GPHN: variants seen among roughly 807,000 people sequenced by gnomAD.
GPHN encodes gephyrin.
GPHN carries 17 observed loss-of-function variants against 95.5 expected under a neutral mutation model. The ratio of observed to expected loss-of-function variants is 0.18; its 90% confidence interval spans 0.12 to 0.27. The LOEUF is 0.27. Among genes scored for constraint, GPHN ranks in the 10% least tolerant of loss-of-function variants. The pLI, the probability that GPHN is intolerant of heterozygous loss-of-function variation, is 1.00. For missense variants in GPHN, 660 were observed against 978.1 expected (o/e 0.67, Z 4.34); for synonymous variants, 320 against 322.5 (o/e 0.99, Z 0.08).
chr14:66,761,913 GCCTTCCAGAGT>G (rs1206094476), intron 2 of GPHN, among the ~76,000 whole-genome samples: 1 of 152,072 alleles, frequency 6.6e-6, no homozygotes, highest in Non-Finnish European at 1.5e-5. Flanking sequence ...ACCCGTCTCG[GCCTTCCAGAGT>G]ACTGGGGAGA....
At chr14:66,732,038 A>T (rs1269021044) in intron 2 of GPHN, among the ~76,000 whole-genome samples, 1 of 152,162 alleles carries the variant, frequency 6.6e-6, no homozygotes, top group Non-Finnish European at 1.5e-5. Flanking sequence ...CTCCACCTAG[A>T]TTTCAGAGGA....
the GPHN span, among the ~76,000 whole-genome samples, chr14:67,388,896 C>T: frequency 6.6e-6 from 1 of 152,082 alleles, no homozygotes; most frequent in Non-Finnish European, 1.5e-5. Context: ...CCAGGCTGGT[C>T]TCAAACTCCT....
In GPHN at chr14:66,588,001, C is replaced by A. The variant is rs561059557; in HGVS notation, c.64+79410C>A. On this transcript the variant is annotated intron_variant, in intron 1 of 22. Coordinates refer to ENST00000478722, the MANE Select transcript of GPHN (RefSeq NM_020806.5). Reference sequence around the variant, plus strand: ...CATACAGGAGAGCTCCGGGTGGCATCTGCCAGGTGCCCCTCTGGGACGAAG... The same window carrying A: ...CATACAGGAGAGCTCCGGGTGGCATATGCCAGGTGCCCCTCTGGGACGAAG... Among the ~76,000 whole-genome samples, 5 of 152,302 alleles carry A rather than the reference C, an allele frequency of 3.3e-5. No individual in the cohort carries two copies. The East Asian group carries it at 9.7e-4, about 29-fold the overall frequency.
chr14:67,084,960 C>T lies in GPHN; in HGVS notation c.1145-4023C>T, dbSNP rs1019850301. On this transcript the variant is annotated intron_variant, in intron 11 of 22. Transcript: ENST00000478722. ...GGTCAATCGCAGTGTAAATATTTCCCACATTGTGCTAAACGATTCTTAAAC... is the reference window on the plus strand; with the variant it reads ...GGTCAATCGCAGTGTAAATATTTCCTACATTGTGCTAAACGATTCTTAAAC... Among the ~76,000 whole-genome samples the T allele has an allele frequency of 3.3e-5, 5 of 152,180 alleles. No homozygotes were observed. The East Asian group carries it at 7.7e-4, about 23-fold the overall frequency.
chr14:67,215,591 A>G, the GPHN span, among the ~76,000 whole-genome samples: 10 of 152,282 alleles, frequency 6.6e-5, no homozygotes, highest in African/African-American at 2.4e-4. Context: ...AGAAATAGGA[A>G]AGGGATACGG....
the GPHN span, chr14:67,199,125 G>A: frequency 7.1e-7 from 1 of 1,400,826 alleles, no homozygotes; most frequent in South Asian, 1.2e-5. Flanking sequence ...GGGCCTGAAT[G>A]AGAAGGTTAG....
the GPHN span, among the ~76,000 whole-genome samples, chr14:67,731,611 T>C: frequency 6.6e-6 from 1 of 152,128 alleles, no homozygotes; most frequent in East Asian, 1.9e-4. Context: ...TCATTAAATA[T>C]CATATTTTAA....
chr14:66,673,334 C>T (rs1434040362), intron 1 of GPHN, among the ~76,000 whole-genome samples: 5 of 152,212 alleles, frequency 3.3e-5, no homozygotes, highest in Admixed American at 6.5e-5. Context: ...CCTCATGATC[C>T]GCCCACCTCG....
intron 1 of GPHN, among the ~76,000 whole-genome samples, chr14:66,534,727 A>G (rs1411229007): frequency 6.6e-6 from 1 of 152,026 alleles, no homozygotes; most frequent in Non-Finnish European, 1.5e-5. Flanking sequence ...AGTCTTTTTA[A>G]TTTCAGTCAT....
chr14:66,888,777 G>C (rs1236585612), intron 5 of GPHN, among the ~76,000 whole-genome samples: 2 of 152,014 alleles, frequency 1.3e-5, no homozygotes, highest in African/African-American at 4.8e-5. Context: ...TTCCAATCAA[G>C]AGACAGAGAT....
the GPHN span, among the ~76,000 whole-genome samples, chr14:67,480,529 C>T: frequency 2.0e-5 from 3 of 152,228 alleles, no homozygotes; most frequent in African/African-American, 7.2e-5. Flanking sequence ...CTCCTACCCC[C>T]GGGCAGGAGA....
chr14:66,603,921 CAA>C (rs201817087), intron 1 of GPHN, among the ~76,000 whole-genome samples: 1,976 of 152,096 alleles, frequency 0.013, 19 homozygotes, highest in Non-Finnish European at 0.02. Flanking sequence ...TTATCTGAGA[CAA>C]ATATTTCACT....
chr14:66,662,456 GAAAA>G (rs35429185), intron 1 of GPHN, among the ~76,000 whole-genome samples: 1 of 144,286 alleles, frequency 6.9e-6, no homozygotes, highest in African/African-American at 2.5e-5. Flanking sequence ...CTGTAAAAAG[GAAAA>G]AAAAAAAATC....
chr14:67,212,209 T>C, the GPHN span, among the ~76,000 whole-genome samples: 1 of 152,150 alleles, frequency 6.6e-6, no homozygotes, highest in Admixed American at 6.5e-5. Flanking sequence ...TTTGGACATA[T>C]TAGTTGCTCA....
intron 4 of GPHN, among the ~76,000 whole-genome samples, chr14:66,846,861 T>C (rs1460701155): frequency 3.3e-5 from 5 of 152,138 alleles, no homozygotes; most frequent in African/African-American, 1.2e-4. Context: ...TGAGAGATTT[T>C]TGCCCCCGAA....
intron 1 of GPHN, among the ~76,000 whole-genome samples, chr14:66,536,051 G>T (rs1161031795): frequency 6.6e-6 from 1 of 152,062 alleles, no homozygotes; most frequent in Non-Finnish European, 1.5e-5. Flanking sequence ...GATGTTAGTT[G>T]TAAGTTTTAT....
the GPHN span, among the ~76,000 whole-genome samples, chr14:67,429,253 CAG>C: frequency 3.5e-5 from 5 of 144,264 alleles, no homozygotes; most frequent in African/African-American, 5.2e-5. Flanking sequence ...TTTTTTGAGA[CAG>C]AGTCTCACAC....
At chr14:67,164,270 C>CAAAAA (rs780524695) in intron 19 of GPHN, among the ~76,000 whole-genome samples, 3 of 46,636 alleles carry the variant, frequency 6.4e-5, no homozygotes, top group African/African-American at 2.6e-4. Context: ...ACTCCATCTC[C>CAAAAA]AAAAAAAAAA....
chr14:67,373,988 A>G, the GPHN span, among the ~76,000 whole-genome samples: 1 of 152,142 alleles, frequency 6.6e-6, no homozygotes, highest in Non-Finnish European at 1.5e-5. Flanking sequence ...ACTACCTTTC[A>G]TTTGGATAAT....
Sources: allele counts gnomAD v4.1 joint callset (sites outside exome capture counted in the v4.1 genomes callset), GRCh38; gene constraint gnomAD v4.1.1; transcripts MANE v1.5; gene names NCBI Gene and HGNC (gene_info 2026-07-23, HGNC 2026-07-21).